CFAP299: variants seen among roughly 807,000 people sequenced by gnomAD.
The protein encoded by CFAP299 is cilia- and flagella-associated protein 299.
In CFAP299, 21 loss-of-function variants were observed where a neutral mutation model predicts 27.0. The ratio of observed to expected loss-of-function variants is 0.78; its 90% CI spans 0.55 to 1.12. The LOEUF is 1.12. CFAP299 is among the 50% of genes most tolerant of loss of function. The probability of loss-of-function intolerance (pLI) is 0.00; values close to 1 mark genes in which losing one functional copy is unlikely to be tolerated. For missense variants in CFAP299, 310 were observed against 276.6 expected (o/e 1.12, Z -0.86); for synonymous variants, 104 against 98.1 (o/e 1.06, Z -0.36).
intron 4 of CFAP299, among the ~76,000 whole-genome samples, chr4:80,934,689 TA>T (rs1405009267): frequency 6.6e-6 from 1 of 152,068 alleles, no homozygotes; most frequent in Non-Finnish European, 1.5e-5. Context: ...TAAGTGTTCA[TA>T]ATAGTGTTTT....
chr4:80,397,216 C>T (rs1025740026), intron 2 of CFAP299, among the ~76,000 whole-genome samples: 4 of 152,040 alleles, frequency 2.6e-5, no homozygotes, highest in Admixed American at 6.6e-5. Context: ...TCTGTGGGAT[C>T]GGTGGTAATA....
At chr4:80,692,894 A>G (rs1451633090) in intron 3 of CFAP299, among the ~76,000 whole-genome samples, 2 of 151,980 alleles carry the variant, frequency 1.3e-5, no homozygotes. Context: ...AAGGACATGA[A>G]CAGACGCTTC....
chr4:80,528,823 G>A (rs773198792), intron 2 of CFAP299, among the ~76,000 whole-genome samples: 2 of 152,020 alleles, frequency 1.3e-5, no homozygotes, highest in Non-Finnish European at 2.9e-5. Context: ...ACCATCTGCT[G>A]CCCAGTATCT....
chr4:80,729,308 T>C (rs1723351703), intron 3 of CFAP299, among the ~76,000 whole-genome samples: 1 of 152,226 alleles, frequency 6.6e-6, no homozygotes, highest in Non-Finnish European at 1.5e-5. Flanking sequence ...GTGTTTGTGA[T>C]AGGCAGCCTC....
At chr4:80,414,094 G>C (rs1442513069) in intron 2 of CFAP299, among the ~76,000 whole-genome samples, 1 of 126,866 alleles carries the variant, frequency 7.9e-6, no homozygotes. Flanking sequence ...TTTTTGAGAC[G>C]GAGTCTCGCT....
intron 2 of CFAP299, among the ~76,000 whole-genome samples, chr4:80,439,140 T>A (rs770943226): frequency 9.9e-5 from 15 of 152,248 alleles, no homozygotes; most frequent in Non-Finnish European, 1.9e-4. Flanking sequence ...TATCACTTAT[T>A]TCTATTATCT....
In CFAP299 at chr4:80,362,758, A is replaced by G; in HGVS notation, c.116A>G (p.Glu39Gly). ...AACAACTGATTTTCTCTCTAGGATG[A>G]AACCCTGGCCCGCCAGTTGGTGGAG... is the stretch of plus-strand genomic sequence containing the variant. ...TTVDLYYLED[E>G]TLARQLVELG... is the part of the protein sequence containing the mutation. Residue 39 changes from glutamate to glycine, a missense_variant, in exon 2 of 6, where the codon GAA (glutamate) becomes GGA (glycine). Transcript: ENST00000358105. 6.2e-7 allele frequency: 1 copy of G among 1,601,622 alleles called. No individual in the cohort carries two copies. Among genetic ancestry groups the G allele is most frequent in the South Asian group, 1.1e-5 (1 of 88,636 alleles).
intron 4 of CFAP299, among the ~76,000 whole-genome samples, chr4:80,881,140 T>C (rs1257419465): frequency 6.6e-6 from 1 of 152,186 alleles, no homozygotes; most frequent in African/African-American, 2.4e-5. Flanking sequence ...ATTGCAGGCA[T>C]TTCAGAACCC....
intron 2 of CFAP299, among the ~76,000 whole-genome samples, chr4:80,371,825 G>A (rs567633742): frequency 6.6e-6 from 1 of 152,214 alleles, no homozygotes; most frequent in Admixed American, 6.5e-5. Flanking sequence ...TATCTAGGAA[G>A]CTTTAAGATT....
intron 4 of CFAP299, among the ~76,000 whole-genome samples, chr4:80,907,186 G>A (rs1047773585): frequency 3.3e-5 from 5 of 152,130 alleles, no homozygotes; most frequent in Non-Finnish European, 7.3e-5. Context: ...AGTCACCTTT[G>A]CTTCAGTTCC....
intron 3 of CFAP299, among the ~76,000 whole-genome samples, chr4:80,598,636 G>T (rs968538479): frequency 6.6e-6 from 1 of 151,924 alleles, no homozygotes. Flanking sequence ...CTTTATTCAG[G>T]CATTCAACAT....
intron 2 of CFAP299, among the ~76,000 whole-genome samples, chr4:80,561,054 T>C (rs1735015557): frequency 6.6e-6 from 1 of 152,166 alleles, no homozygotes; most frequent in Non-Finnish European, 1.5e-5. Flanking sequence ...GCAGTCATAG[T>C]GGTGGTGGTC....
chr4:80,476,931 TTGTG>T (rs1166504374), intron 2 of CFAP299, among the ~76,000 whole-genome samples: 3 of 147,776 alleles, frequency 2.0e-5, no homozygotes, highest in Admixed American at 2.0e-4. Context: ...CTCAGGCATT[TTGTG>T]TGTGTGTGCG....
intron 3 of CFAP299, among the ~76,000 whole-genome samples, chr4:80,733,470 T>C (rs1445885813): frequency 6.6e-6 from 1 of 152,112 alleles, no homozygotes; most frequent in Non-Finnish European, 1.5e-5. Context: ...AACAATCCAA[T>C]TCTACTCTTT....
At chr4:80,816,468 C>G (rs1246333705) in intron 3 of CFAP299, among the ~76,000 whole-genome samples, 1 of 152,114 alleles carries the variant, frequency 6.6e-6, no homozygotes, top group Non-Finnish European at 1.5e-5. Flanking sequence ...AAGAAACCTT[C>G]TGGATGTCAA....
At chr4:80,777,758 A>C (rs1268677233) in intron 3 of CFAP299, among the ~76,000 whole-genome samples, 3 of 152,110 alleles carry the variant, frequency 2.0e-5, no homozygotes, top group African/African-American at 7.2e-5. Flanking sequence ...GGATATTTTT[A>C]AAGGGCCCTT....
intron 2 of CFAP299, among the ~76,000 whole-genome samples, chr4:80,442,678 T>C (rs554013805): frequency 6.6e-6 from 1 of 151,710 alleles, no homozygotes; most frequent in Middle Eastern, 3.4e-3. Context: ...AGACAAGAAA[T>C]AACTAAGATC....
intron 3 of CFAP299, among the ~76,000 whole-genome samples, chr4:80,614,353 A>G (rs1738161415): frequency 2.0e-5 from 3 of 152,210 alleles, no homozygotes; most frequent in Admixed American, 1.3e-4. Flanking sequence ...TGATCCCCAT[A>G]GCTGTATATT....
intron 2 of CFAP299, among the ~76,000 whole-genome samples, chr4:80,482,269 T>G (rs1044843604): frequency 9.9e-5 from 15 of 152,006 alleles, no homozygotes; most frequent in African/African-American, 3.4e-4. Flanking sequence ...TCTCTGACCA[T>G]GAACAGGTAT....
Sources: gnomAD v4.1 joint callset for allele counts (sites outside exome capture counted in the v4.1 genomes callset) on GRCh38, gnomAD v4.1.1 for gene constraint, MANE v1.5 for transcripts, NCBI Gene and HGNC (gene_info 2026-07-23, HGNC 2026-07-21) for gene names.